The following NCKAP5 variants were observed in gnomAD, a reference collection of about 807,000 sequenced individuals.
The protein encoded by NCKAP5 is nck-associated protein 5.
Under a neutral mutation model 167.0 loss-of-function variants are expected in NCKAP5, and 92 were observed. The ratio of observed to expected loss-of-function variants is 0.55; its 90% CI spans 0.47 to 0.66. The LOEUF (loss-of-function observed/expected upper bound fraction) is 0.66. Among genes scored for constraint, NCKAP5 ranks in the 30% least tolerant of loss-of-function variants. The pLI, the probability that NCKAP5 is intolerant of heterozygous loss-of-function variation, is 0.00. For synonymous variants in NCKAP5, 891 were observed against 877.4 expected, an observed-to-expected ratio of 1.02 and a Z score of -0.27; for missense variants, 2,378 against 2,315.0, an observed-to-expected ratio of 1.03 and a Z score of -0.56.
intron 11 of NCKAP5, among the ~76,000 whole-genome samples, chr2:132,848,441 A>T (rs1456843619): frequency 1.3e-5 from 2 of 152,204 alleles, no homozygotes; most frequent in Admixed American, 6.5e-5. Context: ...AAGGATCTCA[A>T]TGCCTGTCTT....
chr2:133,502,294 C>G (rs1682587757), intron 3 of NCKAP5, among the ~76,000 whole-genome samples: 1 of 152,186 alleles, frequency 6.6e-6, no homozygotes, highest in South Asian at 2.1e-4. Context: ...TTTGCTACCT[C>G]TTCTCCATGC....
chr2:132,745,132 T>C (rs866371706), intron 16 of NCKAP5, among the ~76,000 whole-genome samples: 1 of 151,700 alleles, frequency 6.6e-6, no homozygotes, highest in South Asian at 2.1e-4. Context: ...TACCTTGATA[T>C]CAAACTCAAA....
intron 3 of NCKAP5, among the ~76,000 whole-genome samples, chr2:133,313,429 G>A (rs569673473): frequency 6.6e-6 from 1 of 152,216 alleles, no homozygotes; most frequent in South Asian, 2.1e-4. Context: ...ACAATTTTTA[G>A]TTATATTTGA....
At chr2:133,191,571 T>C (rs1465458714) in intron 5 of NCKAP5, among the ~76,000 whole-genome samples, 2 of 152,186 alleles carry the variant, frequency 1.3e-5, no homozygotes, top group Non-Finnish European at 2.9e-5. Context: ...ATATACACCA[T>C]GGAATACTAT....
intron 6 of NCKAP5, 82 bp from the exon 7 acceptor site, chr2:132,994,321 C>T: frequency 1.1e-6 from 1 of 919,788 alleles, no homozygotes; most frequent in South Asian, 1.6e-5. Flanking sequence ...AATCACTCTT[C>T]TATGCGTATT....
chr2:133,488,552 C>G (rs944509228), intron 3 of NCKAP5, among the ~76,000 whole-genome samples: 1 of 152,122 alleles, frequency 6.6e-6, no homozygotes, highest in African/African-American at 2.4e-5. Flanking sequence ...CCTTACCCCT[C>G]CCTTCAGAAA....
intron 2 of NCKAP5, among the ~76,000 whole-genome samples, chr2:133,543,334 C>A (rs1175953377): frequency 2.0e-5 from 3 of 152,184 alleles, no homozygotes; most frequent in Non-Finnish European, 4.4e-5. Flanking sequence ...CTTGTACAAC[C>A]AGCAGAACTG....
At chr2:133,556,592 C>T (rs1056267363) in intron 2 of NCKAP5, among the ~76,000 whole-genome samples, 3 of 152,234 alleles carry the variant, frequency 2.0e-5, no homozygotes, top group Non-Finnish European at 4.4e-5. Flanking sequence ...CTTCCCTTCT[C>T]TTCCTTAGCA....
intron 12 of NCKAP5, among the ~76,000 whole-genome samples, chr2:132,794,190 T>C (rs1295666177): frequency 7.5e-6 from 1 of 134,144 alleles, no homozygotes; most frequent in African/African-American, 2.6e-5. Flanking sequence ...GACTTTTACC[T>C]GGGTGTTGCT....
intron 5 of NCKAP5, among the ~76,000 whole-genome samples, chr2:133,165,649 T>A (rs985400322): frequency 6.6e-6 from 1 of 152,126 alleles, no homozygotes; most frequent in Non-Finnish European, 1.5e-5. Context: ...GAGACAGTGA[T>A]GGGTGTAAGC....
At chr2:133,441,708 C>T (rs931741379) in intron 3 of NCKAP5, among the ~76,000 whole-genome samples, 1 of 152,224 alleles carries the variant, frequency 6.6e-6, no homozygotes, top group African/African-American at 2.4e-5. Context: ...TAGACCTCCT[C>T]TAGCAACCAC....
chr2:133,439,225 T>G (rs1377098490), intron 3 of NCKAP5, among the ~76,000 whole-genome samples: 2 of 152,164 alleles, frequency 1.3e-5, no homozygotes. Context: ...AAGATAATCT[T>G]TCATAATTTT....
chr2:132,797,945 G>T (rs925892051), intron 11 of NCKAP5, among the ~76,000 whole-genome samples: 2 of 152,170 alleles, frequency 1.3e-5, no homozygotes, highest in African/African-American at 2.4e-5. Context: ...TGGCACTGTG[G>T]CAGGGCTGTA....
At chr2:133,080,714 T>C (rs1480839988) in intron 6 of NCKAP5, among the ~76,000 whole-genome samples, 2 of 152,180 alleles carry the variant, frequency 1.3e-5, no homozygotes, top group African/African-American at 4.8e-5. Context: ...CTGTGAGGCA[T>C]GGTGTCTACT....
At chr2:133,382,280 T>A (rs1686583768) in intron 3 of NCKAP5, among the ~76,000 whole-genome samples, 1 of 152,202 alleles carries the variant, frequency 6.6e-6, no homozygotes, top group African/African-American at 2.4e-5. Flanking sequence ...TACTCTCACC[T>A]GTTGGCTTAG....
chr2:133,421,563 T>C (rs1356109061), intron 3 of NCKAP5, among the ~76,000 whole-genome samples: 1 of 152,042 alleles, frequency 6.6e-6, no homozygotes, highest in Non-Finnish European at 1.5e-5. Flanking sequence ...TATATACAAG[T>C]GGGCAGCCAG....
chr2:132,989,137 G>A (rs1458569484), intron 7 of NCKAP5, among the ~76,000 whole-genome samples: 1 of 152,190 alleles, frequency 6.6e-6, no homozygotes, highest in Non-Finnish European at 1.5e-5. Context: ...ATGGACATAC[G>A]AGCCCTGTAA....
intron 4 of NCKAP5, among the ~76,000 whole-genome samples, chr2:133,220,528 AAAC>A (rs1559284223): frequency 1.3e-5 from 2 of 152,196 alleles, no homozygotes; most frequent in Admixed American, 1.3e-4. Flanking sequence ...TAAAGATCAT[AAAC>A]AACATTTTAT....
intron 16 of NCKAP5, among the ~76,000 whole-genome samples, chr2:132,763,883 C>T (rs571355799): frequency 1.3e-5 from 2 of 151,960 alleles, no homozygotes; most frequent in Non-Finnish European, 1.5e-5. Flanking sequence ...TTGTATGCCC[C>T]GAAGCTGATA....
Sources: gnomAD v4.1 joint callset for allele counts (sites outside exome capture counted in the v4.1 genomes callset) on GRCh38, gnomAD v4.1.1 for gene constraint, MANE v1.5 for transcripts, NCBI Gene and HGNC (gene_info 2026-07-23, HGNC 2026-07-21) for gene names.